PPARGC1B: variants seen among roughly 807,000 people sequenced by gnomAD.
PPARGC1B encodes peroxisome proliferator-activated receptor gamma coactivator 1-beta.
A neutral mutation model predicts 101.6 loss-of-function variants in PPARGC1B; 34 were observed. That is an observed-to-expected ratio of 0.33 (90% CI 0.25 to 0.45). The LOEUF (loss-of-function observed/expected upper bound fraction) is 0.45, where lower values mean the gene tolerates loss of function less well. Among genes scored for constraint, PPARGC1B ranks in the 20% least tolerant of loss-of-function variants. The probability of loss-of-function intolerance (pLI) is 1.00; values close to 1 mark genes in which losing one functional copy is unlikely to be tolerated. For synonymous variants in PPARGC1B, 548 were observed against 539.3 expected, an observed-to-expected ratio of 1.02 and a Z score of -0.22; for missense variants, 1,234 against 1,317.6, an observed-to-expected ratio of 0.94 and a Z score of 0.98.
chr5:149,843,373 T>C (rs1025938387), intron 10 of PPARGC1B, among the ~76,000 whole-genome samples: 6 of 152,102 alleles, frequency 3.9e-5, no homozygotes, highest in African/African-American at 1.4e-4. Flanking sequence ...GTTATTCGGG[T>C]TTTTACATTC....
At chr5:149,839,819 C>T (rs545237560) in intron 8 of PPARGC1B, among the ~76,000 whole-genome samples, 5 of 152,138 alleles carry the variant, frequency 3.3e-5, no homozygotes, top group Non-Finnish European at 5.9e-5. Context: ...TGATCCAGTC[C>T]GGAAGCTGGC....
intron 11 of PPARGC1B, 167 bp from the exon 12 acceptor site, chr5:149,847,291 G>A (rs962489998): frequency 1.7e-5 from 13 of 751,710 alleles, no homozygotes; most frequent in Middle Eastern, 2.3e-4. Flanking sequence ...TGTCCCAGCA[G>A]GATGGCAGGC....
chr5:149,795,898 T>A (rs1405718870), intron 1 of PPARGC1B, among the ~76,000 whole-genome samples: 1 of 152,130 alleles, frequency 6.6e-6, no homozygotes, highest in African/African-American at 2.4e-5. Context: ...GCCTCCTCAG[T>A]TTCCTCCTCT....
intron 3 of PPARGC1B, among the ~76,000 whole-genome samples, chr5:149,827,319 C>T (rs1203097131): frequency 2.0e-5 from 3 of 152,190 alleles, no homozygotes; most frequent in African/African-American, 7.2e-5. Flanking sequence ...ATGTGACTTT[C>T]CTCTTCTACC....
At chr5:149,777,041 C>G (rs1310730827) in intron 1 of PPARGC1B, among the ~76,000 whole-genome samples, 11 of 152,168 alleles carry the variant, frequency 7.2e-5, no homozygotes, top group Non-Finnish European at 2.9e-5. Flanking sequence ...GAGGTTATTC[C>G]CATTGTGCAG....
At chr5:149,783,091 A>AAGAG (rs56799682) in intron 1 of PPARGC1B, among the ~76,000 whole-genome samples, 56,177 of 149,804 alleles carry the variant, frequency 0.38, 10,815 homozygotes, top group African/African-American at 0.48. Context: ...ATGAGAGATA[A>AAGAG]AGAGAGAGAG....
chr5:149,787,098 C>T (rs1756839146), intron 1 of PPARGC1B, among the ~76,000 whole-genome samples: 1 of 152,246 alleles, frequency 6.6e-6, no homozygotes, highest in Admixed American at 6.5e-5. Context: ...AGGCTCTTTC[C>T]AGCCAATGGG....
chr5:149,799,203 A>G (rs2113283710), intron 1 of PPARGC1B, among the ~76,000 whole-genome samples: 1 of 152,318 alleles, frequency 6.6e-6, no homozygotes, highest in East Asian at 1.9e-4. Context: ...CTCTATATTT[A>G]ATAAGCAGGA....
intron 1 of PPARGC1B, among the ~76,000 whole-genome samples, chr5:149,799,693 GTTTTTTTTTT>G (rs11371560): frequency 1.3e-5 from 1 of 76,480 alleles, no homozygotes; most frequent in Non-Finnish European, 2.2e-5. Flanking sequence ...GCTTGTTGTT[GTTTTTTTTTT>G]TTTTTTTTTT....
chr5:149,839,939 C>T, intron 8 of PPARGC1B, 102 bp from the exon 9 acceptor site: 2 of 1,223,836 alleles, frequency 1.6e-6, no homozygotes, highest in Admixed American at 3.5e-5. Context: ...CCCTCGTGAA[C>T]AAATCCTAAG....
In PPARGC1B at chr5:149,832,531, A is replaced by C; in HGVS notation, c.583-125A>C. The C allele has an allele frequency of 1.3e-6, 1 of 779,218 alleles. No individual in the cohort carries two copies. The allele number at this position is 779,218 out of a possible 1,614,324, so 48.3% of individuals were successfully genotyped here. ...TGTGTGGGAAGCTGGGGACGGAATG[A>C]AGGAAACCTGGCTGTTCCTATGATC... is the stretch of plus-strand genomic sequence containing the variant. On this transcript the variant is annotated intron_variant, in intron 4 of 11. Coordinates refer to ENST00000309241, the MANE Select transcript of PPARGC1B (RefSeq NM_133263.4). The surrounding 1 kb of genome is among the most constrained non-coding windows in gnomAD (Gnocchi z 4.9).
chr5:149,832,548 C>A lies in PPARGC1B; in HGVS notation c.583-108C>A. On this transcript the variant is annotated intron_variant, in intron 4 of 11. Coordinates refer to ENST00000309241, the MANE Select transcript of PPARGC1B (RefSeq NM_133263.4). This position sits in a 1 kb window ranked among gnomAD's most constrained non-coding sequence, Gnocchi z 4.9. The stretch of plus-strand genomic sequence containing the variant: ...ACGGAATGAAGGAAACCTGGCTGTT[C>A]CTATGATCCAGGTGAGACACAATGG... 1.1e-6 allele frequency: 1 copy of A among 895,950 alleles called. No individual in the cohort carries two copies. The highest frequency in any genetic ancestry group is 1.7e-6 in the Non-Finnish European group (1 of 595,610). The allele number at this position is 895,950 out of a possible 1,614,324, so 55.5% of individuals were successfully genotyped here.
rs372010949 is a variant in PPARGC1B at position 149,826,865 on chromosome 5, G to C, written c.445G>C (p.Glu149Gln). 8.0e-5 allele frequency: 129 copies of C among 1,612,046 alleles called. No homozygotes were observed. Among genetic ancestry groups the C allele is most frequent in the Non-Finnish European group, 1.1e-4 (124 of 1,178,784 alleles). The change falls in exon 3 of 12, where the codon GAG becomes CAG. Residue 149 changes from glutamate to glutamine, a missense_variant. Glu to Gln is a conservative substitution (Grantham distance 29). Coordinates refer to ENST00000309241, the MANE Select transcript of PPARGC1B (RefSeq NM_133263.4). The part of the protein sequence containing the change: ...APEKPSAPAP[E>Q]VDELSLLQKL... The stretch of plus-strand genomic sequence containing the variant: ...GGAGAAGCCCTCGGCCCCAGCCCCT[G>C]AGGTGGACGAGCTCTCACTGGTAAG...
intron 1 of PPARGC1B, among the ~76,000 whole-genome samples, chr5:149,793,307 G>C (rs1757091741): frequency 6.6e-6 from 1 of 152,138 alleles, no homozygotes; most frequent in Non-Finnish European, 1.5e-5. Flanking sequence ...CATAGGAGAT[G>C]TTCTCCTGCA....
intron 1 of PPARGC1B, among the ~76,000 whole-genome samples, chr5:149,783,674 G>GTCCCTC (rs1416728774): frequency 6.6e-6 from 1 of 152,158 alleles, no homozygotes; most frequent in African/African-American, 2.4e-5. Flanking sequence ...TTGAGACAGG[G>GTCCCTC]TCCCTCTCCC....
At chr5:149,842,141 C>T in intron 9 of PPARGC1B, 115 bp from the exon 10 acceptor site, 2 of 1,331,148 alleles carry the variant, frequency 1.5e-6, no homozygotes, top group African/African-American at 1.5e-5. Flanking sequence ...GCCGGTATTG[C>T]TCACTCAGCC....
At chr5:149,835,219 C>G in intron 6 of PPARGC1B, 82 bp from the exon 7 acceptor site, 2 of 1,300,264 alleles carry the variant, frequency 1.5e-6, no homozygotes, top group Non-Finnish European at 2.2e-6. Context: ...CACAGCACTC[C>G]CTGCGACCCT....
intron 1 of PPARGC1B, among the ~76,000 whole-genome samples, chr5:149,800,308 G>A (rs1757388933): frequency 1.3e-5 from 2 of 152,194 alleles, no homozygotes; most frequent in African/African-American, 2.4e-5. Flanking sequence ...CGAGGGGAGG[G>A]ATGGCTTTTG....
chr5:149,764,464 G>T (rs1388995520), intron 1 of PPARGC1B, among the ~76,000 whole-genome samples: 1 of 152,218 alleles, frequency 6.6e-6, no homozygotes, highest in Non-Finnish European at 1.5e-5. Flanking sequence ...GGATAGGGAG[G>T]ACGTGATCTT....
Sources: allele counts gnomAD v4.1 joint callset (sites outside exome capture counted in the v4.1 genomes callset), GRCh38; gene constraint gnomAD v4.1.1; non-coding constraint Gnocchi (gnomAD v3.1); transcripts MANE v1.5; gene names NCBI Gene and HGNC (gene_info 2026-07-23, HGNC 2026-07-21).